MKLN1: variants seen among roughly 807,000 people sequenced by gnomAD.
MKLN1 encodes muskelin.
Under a neutral mutation model 99.0 loss-of-function variants are expected in MKLN1, and 18 were observed. The ratio of observed to expected loss-of-function variants is 0.18; its 90% confidence interval spans 0.13 to 0.27. The LOEUF is 0.27. Among genes scored for constraint, MKLN1 ranks in the 10% least tolerant of loss-of-function variants. The pLI is 1.00. For missense variants in MKLN1, 621 were observed against 875.9 expected, an observed-to-expected ratio of 0.71 and a Z score of 3.67; for synonymous variants, 288 against 293.2, an observed-to-expected ratio of 0.98 and a Z score of 0.18.
At chr7:131,224,958 A>G (rs1211304212) in intron 3 of MKLN1, among the ~76,000 whole-genome samples, 1 of 152,040 alleles carries the variant, frequency 6.6e-6, no homozygotes, top group African/African-American at 2.4e-5. Context: ...CTGTAGTCCC[A>G]GCTACTCGGG....
At chr7:131,161,940 C>CAT (rs1183709176) in intron 2 of MKLN1, among the ~76,000 whole-genome samples, 1 of 131,576 alleles carries the variant, frequency 7.6e-6, no homozygotes, top group African/African-American at 2.9e-5. Flanking sequence ...CATATATACA[C>CAT]ATATATATAC....
rs1050108812 is a variant in MKLN1 at position 131,491,227 on chromosome 7, A to G, written c.*3499A>G. Reference sequence around the variant, plus strand: ...AATAAAGTCATCTAACTATTAAAAAAAAAACACCCTTCCTAACCCTTCTTT... The same window carrying G: ...AATAAAGTCATCTAACTATTAAAAAGAAAACACCCTTCCTAACCCTTCTTT... On this transcript the variant is annotated 3_prime_UTR_variant, in exon 18 of 18. Coordinates refer to ENST00000352689, the MANE Select transcript of MKLN1 (RefSeq NM_013255.5). 1 of 152,128 alleles carries G rather than the reference A, an allele frequency of 6.6e-6. No individual in the cohort carries two copies. Among genetic ancestry groups the G allele is most frequent in the African/African-American group, 2.4e-5 (1 of 41,448 alleles). 9.4% of individuals were successfully genotyped at this position (152,128 alleles called of 1,614,324 possible).
chr7:131,134,588 G>A (rs1795619224), intron 1 of MKLN1, among the ~76,000 whole-genome samples: 1 of 152,032 alleles, frequency 6.6e-6, no homozygotes, highest in African/African-American at 2.4e-5. Flanking sequence ...CCTGCCTTTA[G>A]CTTCGTCAGT....
At chr7:131,419,363 G>A (rs1232600968) in intron 8 of MKLN1, among the ~76,000 whole-genome samples, 3 of 148,928 alleles carry the variant, frequency 2.0e-5, no homozygotes, top group South Asian at 4.2e-4. Flanking sequence ...TGACTCTCCT[G>A]CCTCAGCCTC....
At chr7:131,142,361 A>C (rs1012668266) in intron 1 of MKLN1, among the ~76,000 whole-genome samples, 2 of 151,830 alleles carry the variant, frequency 1.3e-5, no homozygotes, top group African/African-American at 4.8e-5. Context: ...CAGTGAGCCA[A>C]GATCGCGCCA....
At chr7:131,405,982 C>CT (rs1246954435) in intron 6 of MKLN1, among the ~76,000 whole-genome samples, 51 of 152,166 alleles carry the variant, frequency 3.4e-4, no homozygotes, top group Middle Eastern at 3.4e-3. Flanking sequence ...AATTTTCTGT[C>CT]TGATTCTCAT....
At chr7:131,402,364 T>C (rs1794574395) in intron 6 of MKLN1, among the ~76,000 whole-genome samples, 1 of 152,238 alleles carries the variant, frequency 6.6e-6, no homozygotes, top group Admixed American at 6.5e-5. Context: ...TTGCTATTTC[T>C]ACCACATCTG....
chr7:131,255,394 G>GA (rs1554542967), intron 3 of MKLN1, among the ~76,000 whole-genome samples: 1 of 152,056 alleles, frequency 6.6e-6, no homozygotes, highest in East Asian at 1.9e-4. Flanking sequence ...AGCAGCAAGG[G>GA]AAAAACACAA....
At chr7:131,446,064 C>T (rs188162673) in intron 12 of MKLN1, among the ~76,000 whole-genome samples, 161 bp downstream of exon 12, 12 of 152,042 alleles carry the variant, frequency 7.9e-5, no homozygotes, top group Admixed American at 6.5e-4. Context: ...TTATTCAGTT[C>T]TATCTATTTT....
In MKLN1 at chr7:131,245,520, G is replaced by GC. The variant is rs1797474049; in HGVS notation, c.-179+42551dup. Among the ~76,000 whole-genome samples, 3 of 152,036 alleles carry GC rather than the reference G, an allele frequency of 2.0e-5. No individual in the cohort carries two copies. In the South Asian group the frequency reaches 6.2e-4, roughly 32 times the overall value. Reference sequence around the variant, plus strand: ...TGCCCTCAGGTGATCCGCGCCCCCCGCCCCCGGCCTCGGCCTCCCAAAGTG... The same window carrying GC: ...TGCCCTCAGGTGATCCGCGCCCCCCGCCCCCCGGCCTCGGCCTCCCAAAGTG... On this transcript the variant is annotated intron_variant, in intron 3 of 7. Transcript: ENST00000416992.
chr7:131,186,653 G>T (rs898461324), intron 2 of MKLN1, among the ~76,000 whole-genome samples: 2 of 152,102 alleles, frequency 1.3e-5, no homozygotes, highest in Non-Finnish European at 2.9e-5. Context: ...TGCCTAGCAC[G>T]CCAGTTGCAA....
chr7:131,231,061 A>G lies in MKLN1; in HGVS notation c.-179+28087A>G, dbSNP rs139253388. Among the ~76,000 whole-genome samples, 477 of 133,564 alleles carry G rather than the reference A, an allele frequency of 3.6e-3. 2 individuals are homozygous for G. Among genetic ancestry groups the G allele is most frequent in the African/African-American group, 0.013 (452 of 36,106 alleles). 87.6% of individuals were successfully genotyped at this position (133,564 alleles called of 152,430 possible). A position where few individuals can be genotyped will look rare whatever the true frequency, so the allele number is the denominator to read the frequency against. Reference sequence around the variant, plus strand: ...TTTGAACCTGGGAGGCCGAGGTTGCAGTGAGCGGAGATCGTACCACTGCAC... The same window carrying G: ...TTTGAACCTGGGAGGCCGAGGTTGCGGTGAGCGGAGATCGTACCACTGCAC... On this transcript the variant is annotated intron_variant, in intron 3 of 7. Transcript: ENST00000416992.
intron 2 of MKLN1, among the ~76,000 whole-genome samples, chr7:131,150,865 A>G (rs1795879192): frequency 1.3e-5 from 2 of 151,994 alleles, no homozygotes; most frequent in African/African-American, 4.8e-5. Flanking sequence ...CAGAAGAAGG[A>G]AGATTAGATA....
intron 1 of MKLN1, among the ~76,000 whole-genome samples, chr7:131,350,721 C>T (rs1187041029): frequency 6.6e-6 from 1 of 152,176 alleles, no homozygotes; most frequent in Non-Finnish European, 1.5e-5. Context: ...TTTATGTAGC[C>T]TAGGCCCTGA....
At chr7:131,298,466 G>A (rs1402978055) in intron 3 of MKLN1, among the ~76,000 whole-genome samples, 1 of 152,106 alleles carries the variant, frequency 6.6e-6, no homozygotes, top group Non-Finnish European at 1.5e-5. Flanking sequence ...CAGTGAAGTG[G>A]CACATTCAGT....
intron 2 of MKLN1, among the ~76,000 whole-genome samples, chr7:131,193,214 T>C (rs1474883770): frequency 1.3e-5 from 2 of 152,188 alleles, no homozygotes; most frequent in African/African-American, 4.8e-5. Flanking sequence ...GAAACAGTCT[T>C]TCTGATTACT....
At position 131,376,744 on chromosome 7, in the gene MKLN1, ACTG is replaced by A. The variant is rs1316982473; in HGVS notation, c.168+1254_168+1256del. ...CAGCCATGTTTAGAAATGGAAAGTGACTGCTATCTTTTGAAGCCTCCTTTGAGC... is the reference window on the plus strand; with the variant it reads ...CAGCCATGTTTAGAAATGGAAAGTGACTATCTTTTGAAGCCTCCTTTGAGC... On this transcript the variant is annotated intron_variant, in intron 2 of 17. Transcript: ENST00000352689. Among the ~76,000 whole-genome samples, 13 of 151,792 alleles carry A rather than the reference ACTG, an allele frequency of 8.6e-5. 1 individual carries two copies. The highest frequency in any genetic ancestry group is 6.8e-3 in the Middle Eastern group (2 of 294).
At chr7:131,283,351 T>C (rs1418946863) in intron 3 of MKLN1, among the ~76,000 whole-genome samples, 1 of 34,850 alleles carries the variant, frequency 2.9e-5, no homozygotes, top group Non-Finnish European at 5.4e-5. Flanking sequence ...TTCCCCTCCT[T>C]CCTTCCTTCC....
At chr7:131,307,599 G>A (rs1798486781) in intron 3 of MKLN1, among the ~76,000 whole-genome samples, 1 of 152,198 alleles carries the variant, frequency 6.6e-6, no homozygotes, top group South Asian at 2.1e-4. Flanking sequence ...TGGAGTCAAA[G>A]GAGATTATTT....
Sources: allele counts gnomAD v4.1 joint callset (sites outside exome capture counted in the v4.1 genomes callset), GRCh38; gene constraint gnomAD v4.1.1; transcripts MANE v1.5; gene names NCBI Gene and HGNC (gene_info 2026-07-23, HGNC 2026-07-21).